Variants in ADAM10 observed in about 807,000 individuals in gnomAD.
ADAM10 encodes disintegrin and metalloproteinase domain-containing protein 10.
A neutral mutation model predicts 90.1 loss-of-function variants in ADAM10; 17 were observed. That is an observed-to-expected ratio of 0.19 (90% CI 0.13 to 0.28). ADAM10 has a LOEUF of 0.28. ADAM10 is among the 10% of genes least tolerant of loss of function. The probability of loss-of-function intolerance (pLI) is 1.00; values close to 1 mark genes in which losing one functional copy is unlikely to be tolerated. For synonymous variants in ADAM10, 310 were observed against 298.6 expected, an observed-to-expected ratio of 1.04 and a Z score of -0.40; for missense variants, 610 against 914.3, an observed-to-expected ratio of 0.67 and a Z score of 4.29.
rs1257441274 is a variant in ADAM10 at position 58,588,860 on chromosome 15, C to T, written c.*8687G>A. ...TGAGCTTTCTGAATACATTTCTTCT[C>T]CTATCAGGAGTTGTTACTTACATGC... On this transcript the variant is annotated 3_prime_UTR_variant, in exon 16 of 16. Coordinates refer to ENST00000260408, the MANE Select transcript of ADAM10 (RefSeq NM_001110.4). 6.6e-6 allele frequency: 1 copy of T among 152,208 alleles called. No homozygotes were observed. The highest frequency in any genetic ancestry group is 1.5e-5 in the Non-Finnish European group (1 of 68,040). The allele number at this position is 152,208 out of a possible 1,614,324, so 9.4% of individuals were successfully genotyped here. A position where few individuals can be genotyped will look rare whatever the true frequency, so the allele number is the denominator to read the frequency against.
chr15:58,600,768 CTAATAAACATCA>C (rs1895086468), intron 14 of ADAM10, among the ~76,000 whole-genome samples: 1 of 152,116 alleles, frequency 6.6e-6, no homozygotes, highest in Non-Finnish European at 1.5e-5. Flanking sequence ...ACCACATGTA[CTAATAAACATCA>C]TACAAAATAT....
At chr15:58,747,871 T>TAC (rs1490400667) in intron 1 of ADAM10, 7 of 152,246 alleles carry the variant, frequency 4.6e-5, no homozygotes, top group African/African-American at 1.7e-4. Flanking sequence ...TTTAGTATAC[T>TAC]ACTACTCAGT....
At chr15:58,682,866 T>A (rs1015819963) in intron 2 of ADAM10, among the ~76,000 whole-genome samples, 19 of 152,238 alleles carry the variant, frequency 1.2e-4, no homozygotes, top group African/African-American at 4.6e-4. Context: ...AATTTGGGAA[T>A]GCCGAAAGAC....
chr15:58,606,635 G>A (rs1283391741), intron 14 of ADAM10, among the ~76,000 whole-genome samples: 2 of 152,176 alleles, frequency 1.3e-5, no homozygotes, highest in African/African-American at 4.8e-5. Context: ...ATATCAAGAT[G>A]ATAAAATGGA....
chr15:58,640,015 C>T (rs1483487657), intron 8 of ADAM10, among the ~76,000 whole-genome samples: 1 of 152,102 alleles, frequency 6.6e-6, no homozygotes, highest in African/African-American at 2.4e-5. Flanking sequence ...AGCCTGGGGT[C>T]CTTTCCACTC....
intron 5 of ADAM10, among the ~76,000 whole-genome samples, chr15:58,661,322 G>A (rs1209757169): frequency 6.6e-6 from 1 of 151,864 alleles, no homozygotes; most frequent in African/African-American, 2.4e-5. Flanking sequence ...TTCCTTTAAT[G>A]TTTCTTACAG....
intron 1 of ADAM10, among the ~76,000 whole-genome samples, chr15:58,743,987 T>C (rs1231114399): frequency 6.6e-6 from 1 of 152,230 alleles, no homozygotes. Flanking sequence ...TTAATACCAA[T>C]AATCTAGTAT....
Position 58,611,957 on chromosome 15 carries a change from C to T in ADAM10, c.1546G>A (p.Ala516Thr), listed in dbSNP as rs199959350. 3.5e-5 allele frequency: 56 copies of T among 1,614,016 alleles called. No individual in the cohort carries two copies. The highest frequency in any genetic ancestry group is 4.6e-5 in the Non-Finnish European group (54 of 1,180,020). Residue 516 changes from alanine (A) to threonine (T), a missense_variant, in exon 12 of 16, where the codon GCA (alanine) becomes ACA (threonine). Ala to Thr is a moderately conservative substitution (Grantham distance 58, BLOSUM62 0). Transcript: ENST00000260408. ...CACTTCTCAGACTTTGACTTGAATG[C>T]ACACTGTGCTGTACAACAAGGACCT... ...SQGPCCTAQCAFKSKSEKCRD... is the reference protein window; with the variant it reads ...SQGPCCTAQCTFKSKSEKCRD...
intron 6 of ADAM10, among the ~76,000 whole-genome samples, chr15:58,645,113 T>TAAACATA (rs1418993037): frequency 6.6e-6 from 1 of 152,168 alleles, no homozygotes; most frequent in Non-Finnish European, 1.5e-5. Context: ...TGTAAAAACA[T>TAAACATA]AAACATAAAA....
chr15:58,670,851 ATTT>A (rs1364572340), intron 4 of ADAM10, among the ~76,000 whole-genome samples: 1 of 152,180 alleles, frequency 6.6e-6, no homozygotes, highest in Non-Finnish European at 1.5e-5. Context: ...CAATCAAGAT[ATTT>A]CCAACTTTAA....
chr15:58,729,648 T>C (rs558763700), intron 1 of ADAM10, among the ~76,000 whole-genome samples: 2 of 152,248 alleles, frequency 1.3e-5, no homozygotes, highest in Admixed American at 1.3e-4. Flanking sequence ...CTAAAATTTT[T>C]TGAGCTCCAA....
At chr15:58,735,571 C>T (rs1300717505) in intron 1 of ADAM10, among the ~76,000 whole-genome samples, 1 of 152,096 alleles carries the variant, frequency 6.6e-6, no homozygotes, top group Non-Finnish European at 1.5e-5. Context: ...TTATAATACA[C>T]AATACAATGT....
At chr15:58,715,250 CGTCTCTACTAAAAATACAAAA>C (rs1898618451) in intron 2 of ADAM10, among the ~76,000 whole-genome samples, 1 of 151,690 alleles carries the variant, frequency 6.6e-6, no homozygotes, top group African/African-American at 2.4e-5. Context: ...GGTGAAACCC[CGTCTCTACTAAAAATACAAAA>C]ATTAGCCGGG....
At chr15:58,702,013 G>T (rs1016696487) in intron 2 of ADAM10, among the ~76,000 whole-genome samples, 9 of 152,160 alleles carry the variant, frequency 5.9e-5, no homozygotes, top group Non-Finnish European at 1.3e-4. Flanking sequence ...GGCTGAGGCA[G>T]AAGAATCGCT....
intron 8 of ADAM10, among the ~76,000 whole-genome samples, chr15:58,637,603 A>C (rs1896294695): frequency 2.0e-5 from 3 of 152,220 alleles, no homozygotes; most frequent in African/African-American, 7.2e-5. Context: ...AGAAGAAAAC[A>C]GATTCCACCA....
At chr15:58,615,070 C>T (rs1304698236) in intron 11 of ADAM10, among the ~76,000 whole-genome samples, 4 of 151,954 alleles carry the variant, frequency 2.6e-5, no homozygotes, top group Admixed American at 1.3e-4. Context: ...GTCAGGAGAT[C>T]GAAACCATCC....
chr15:58,675,678 G>A (rs1232665518), intron 4 of ADAM10, among the ~76,000 whole-genome samples: 1 of 152,148 alleles, frequency 6.6e-6, no homozygotes, highest in Non-Finnish European at 1.5e-5. Flanking sequence ...ATCACATCTA[G>A]AGAAATTATT....
At chr15:58,615,991 G>A (rs1042021709) in intron 11 of ADAM10, among the ~76,000 whole-genome samples, 1 of 152,120 alleles carries the variant, frequency 6.6e-6, no homozygotes, top group Middle Eastern at 3.4e-3. Context: ...CTGGGTGACA[G>A]AGCAAGACCC....
chr15:58,671,715 A>G (rs1897197704), intron 4 of ADAM10, among the ~76,000 whole-genome samples: 1 of 152,164 alleles, frequency 6.6e-6, no homozygotes, highest in Non-Finnish European at 1.5e-5. Flanking sequence ...TCTATTAATA[A>G]ATATATATAT....
Sources: gnomAD v4.1 joint callset for allele counts (sites outside exome capture counted in the v4.1 genomes callset) on GRCh38, gnomAD v4.1.1 for gene constraint, MANE v1.5 for transcripts, NCBI Gene and HGNC (gene_info 2026-07-23, HGNC 2026-07-21) for gene names.